AIMP2: variants seen among roughly 807,000 people sequenced by gnomAD.
AIMP2 encodes aminoacyl tRNA synthase complex-interacting multifunctional protein 2.
In AIMP2, 20 loss-of-function variants were observed where a neutral mutation model predicts 23.4. The observed-to-expected ratio is 0.85, with a 90% CI of 0.60 to 1.24. The LOEUF (loss-of-function observed/expected upper bound fraction) is 1.24, where lower values mean the gene tolerates loss of function less well. AIMP2 is among the 50% of genes most tolerant of loss of function. The pLI is 0.00. For synonymous variants in AIMP2, 210 were observed against 170.4 expected (o/e 1.23, Z -1.81); for missense variants, 515 against 414.5 (o/e 1.24, Z -2.10).
At chr7:6,018,297 C>T (rs1787159351) in intron 3 of AIMP2, among the ~76,000 whole-genome samples, 1 of 151,374 alleles carries the variant, frequency 6.6e-6, no homozygotes, top group South Asian at 2.1e-4. Context: ...CAGGCGCGCA[C>T]CACCAGGCCC....
chr7:6,020,139 G>A (rs1320066404), intron 3 of AIMP2, among the ~76,000 whole-genome samples: 1 of 151,980 alleles, frequency 6.6e-6, no homozygotes, highest in Non-Finnish European at 1.5e-5. Flanking sequence ...TGTAGATTTT[G>A]GCCGGTTGTG....
intron 3 of AIMP2, among the ~76,000 whole-genome samples, chr7:6,019,819 C>T (rs1205811844): frequency 6.6e-6 from 1 of 151,992 alleles, no homozygotes; most frequent in Non-Finnish European, 1.5e-5. Context: ...GTTAAGAGAT[C>T]AAGATTATCC....
intron 3 of AIMP2, among the ~76,000 whole-genome samples, chr7:6,021,832 G>A (rs1787441801): frequency 6.6e-6 from 1 of 152,138 alleles, no homozygotes; most frequent in Admixed American, 6.5e-5. Context: ...AGCAAGCAGT[G>A]GAAGGGTTGA....
At chr7:6,018,972 C>CACACACACACACAA (rs749077382) in intron 3 of AIMP2, among the ~76,000 whole-genome samples, 2 of 88,724 alleles carry the variant, frequency 2.3e-5, no homozygotes, top group Non-Finnish European at 4.7e-5. Flanking sequence ...AAACCTTACA[C>CACACACACACACAA]ACACACACAC....
chr7:6,009,974 A>AAAAATATACATAT, intron 1 of AIMP2, among the ~76,000 whole-genome samples: 1 of 26,662 alleles, frequency 3.8e-5, no homozygotes, highest in African/African-American at 1.4e-4. Flanking sequence ...AAAAAAAAAA[A>AAAAATATACATAT]ATATATATAT....
chr7:6,009,974 A>AATATATATATATAT lies in AIMP2; in HGVS notation c.135+481_135+494dup, dbSNP rs1183984035. 1.0e-2 allele frequency among the ~76,000 whole-genome samples: 265 copies of AATATATATATATAT among 26,532 alleles called. 4 individuals carry two copies. The highest frequency in any genetic ancestry group is 0.046 in the East Asian group (12 of 262). The allele number at this position is 26,532 out of a possible 152,430, so 17.4% of individuals were successfully genotyped here. On this transcript the variant is annotated intron_variant, in intron 1 of 3. Coordinates refer to ENST00000223029, the MANE Select transcript of AIMP2 (RefSeq NM_006303.4). The stretch of plus-strand genomic sequence containing the variant: ...CAAAAAAAAAAAAAAAAAAAAAAAA[A>AATATATATATATAT]ATATATATATATATATATGTATGTA...
chr7:6,012,258 A>G (rs1257735497), intron 1 of AIMP2, among the ~76,000 whole-genome samples: 1 of 143,416 alleles, frequency 7.0e-6, no homozygotes, highest in African/African-American at 3.0e-5. Context: ...GTCTCAAAAA[A>G]AAAAAAAAGA....
chr7:6,017,994 A>G lies in AIMP2; in HGVS notation c.523A>G (p.Lys175Glu), dbSNP rs542587504. ...CAAGTGCTTTGGAGAACAGAATAAAAAACAGCCCCGCCAAGACTATCAGCT... is the reference window on the plus strand; with the variant it reads ...CAAGTGCTTTGGAGAACAGAATAAAGAACAGCCCCGCCAAGACTATCAGCT... The part of the protein sequence containing the change: ...LLKCFGEQNK[K>E]QPRQDYQLGF... Residue 175 changes from lysine (K) to glutamate (E), a missense_variant, in exon 3 of 4, where the codon AAA becomes GAA. Transcript: ENST00000223029. 6 of 1,614,012 alleles carry G rather than the reference A, an allele frequency of 3.7e-6. No individual in the cohort carries two copies. Among genetic ancestry groups the G allele is most frequent in the Non-Finnish European group, 4.2e-6 (5 of 1,180,008 alleles).
intron 3 of AIMP2, among the ~76,000 whole-genome samples, chr7:6,021,568 A>T (rs1258963521): frequency 1.3e-5 from 2 of 152,136 alleles, no homozygotes; most frequent in African/African-American, 2.4e-5. Context: ...GTGGGTGGTG[A>T]AGAGTTTCAG....
intron 3 of AIMP2, among the ~76,000 whole-genome samples, chr7:6,019,073 G>T (rs1787219594): frequency 6.6e-6 from 1 of 151,882 alleles, no homozygotes; most frequent in African/African-American, 2.4e-5. Context: ...AACATTAATT[G>T]TGGAACAAAC....
intron 3 of AIMP2, among the ~76,000 whole-genome samples, chr7:6,021,338 C>CAAAAA (rs563523048): frequency 9.1e-5 from 6 of 65,926 alleles, no homozygotes; most frequent in Non-Finnish European, 1.2e-4. Context: ...GACTCCATCT[C>CAAAAA]AAAAAAAAAA....
In AIMP2 at chr7:6,009,587, A is replaced by G. The variant is rs921581946; in HGVS notation, c.135+89A>G. ...CCCAGGCCGGAGCGAGCGCGTCCCA[A>G]CCGGTTCACGGCCCCACCCCGGCAT... is the stretch of plus-strand genomic sequence containing the variant. On this transcript the variant is annotated intron_variant, in intron 1 of 3. Coordinates refer to ENST00000223029, the MANE Select transcript of AIMP2 (RefSeq NM_006303.4). 9.1e-6 allele frequency: 11 copies of G among 1,213,906 alleles called. No individual in the cohort carries two copies. The South Asian group carries it at 1.4e-4, about 15-fold the overall frequency. The allele number at this position is 1,213,906 out of a possible 1,614,324, so 75.2% of individuals were successfully genotyped here.
intron 2 of AIMP2, chr7:6,016,767 G>A (rs1202093231): frequency 6.6e-6 from 1 of 152,254 alleles, no homozygotes; most frequent in African/African-American, 2.4e-5. Flanking sequence ...AGGAGTGGCA[G>A]GCGGGGTACA....
At chr7:6,014,407 A>G (rs560712639) in intron 1 of AIMP2, among the ~76,000 whole-genome samples, 87 of 151,368 alleles carry the variant, frequency 5.7e-4, no homozygotes, top group African/African-American at 2.0e-3. Context: ...ACAGGCATGC[A>G]CTACCACACC....
At chr7:6,020,791 C>T (rs1242410909) in intron 3 of AIMP2, among the ~76,000 whole-genome samples, 1 of 152,126 alleles carries the variant, frequency 6.6e-6, no homozygotes, top group Non-Finnish European at 1.5e-5. Flanking sequence ...CCACAAAGGA[C>T]ATCTATTAAG....
chr7:6,014,188 A>G (rs1026989455), intron 1 of AIMP2, among the ~76,000 whole-genome samples: 3 of 148,646 alleles, frequency 2.0e-5, no homozygotes, highest in African/African-American at 7.4e-5. Flanking sequence ...AGACTAAATT[A>G]CCTGAAATAG....
In AIMP2 at chr7:6,009,338, C is replaced by T. The variant is rs574676415; in HGVS notation, c.-26C>T. ...TCTGAGCGTTGGCCTTTGGCACGCG[C>T]TACCCCCTTTTGCTTTGGTTCTGCC... On this transcript the variant is annotated 5_prime_UTR_variant, in exon 1 of 4. Transcript: ENST00000223029. 1.9e-6 allele frequency: 3 copies of T among 1,611,750 alleles called. No individual in the cohort carries two copies. In the African/African-American group the frequency reaches 4.0e-5, roughly 21 times the overall value.
chr7:6,020,161 C>T lies in AIMP2; in HGVS notation c.574+2116C>T, dbSNP rs145852336. Among the ~76,000 whole-genome samples the T allele has an allele frequency of 3.4e-3, 519 of 152,200 alleles. 3 individuals carry two copies. Among genetic ancestry groups the T allele is most frequent in the African/African-American group, 0.012 (496 of 41,516 alleles). On this transcript the variant is annotated intron_variant, in intron 3 of 3. Transcript: ENST00000223029. ...TTTGGCCGGTTGTGGTGGTTCATGC[C>T]TGTAATCCCAGCACTTTGGGAGGCT...
At chr7:6,009,787 C>T (rs1477832989) in intron 1 of AIMP2, among the ~76,000 whole-genome samples, 1 of 149,796 alleles carries the variant, frequency 6.7e-6, no homozygotes, top group Admixed American at 6.7e-5. Context: ...CTCGTCTCTA[C>T]TAAAAATACA....
Sources: gnomAD v4.1 joint callset for allele counts (sites outside exome capture counted in the v4.1 genomes callset) on GRCh38, gnomAD v4.1.1 for gene constraint, MANE v1.5 for transcripts, NCBI Gene and HGNC (gene_info 2026-07-23, HGNC 2026-07-21) for gene names.